The following MIPOL1 variants were observed in gnomAD, a reference collection of about 807,000 sequenced individuals.
The protein encoded by MIPOL1 is mirror-image polydactyly gene 1 protein.
In MIPOL1, 57 loss-of-function variants were observed where a neutral mutation model predicts 60.9. The observed-to-expected ratio is 0.94, with a 90% confidence interval of 0.76 to 1.17. The LOEUF (loss-of-function observed/expected upper bound fraction) is 1.17, where lower values mean the gene tolerates loss of function less well. Among genes scored for constraint, MIPOL1 ranks in the 50% most tolerant of loss-of-function variants. MIPOL1 has a pLI of 0.00. For synonymous variants in MIPOL1, 179 were observed against 168.8 expected (o/e 1.06, Z -0.47); for missense variants, 551 against 511.6 (o/e 1.08, Z -0.74).
intron 10 of MIPOL1, among the ~76,000 whole-genome samples, chr14:37,407,716 T>G (rs2093611239): frequency 6.6e-6 from 1 of 152,108 alleles, no homozygotes. Flanking sequence ...CAGGTAATAC[T>G]GAGCTTAAAA....
intron 11 of MIPOL1, among the ~76,000 whole-genome samples, chr14:37,440,382 T>C (rs1027679675): frequency 1.3e-5 from 2 of 152,184 alleles, no homozygotes; most frequent in African/African-American, 2.4e-5. Flanking sequence ...CTGAATAATG[T>C]ACATTGTAGC....
At chr14:37,416,324 A>G (rs990817478) in intron 10 of MIPOL1, among the ~76,000 whole-genome samples, 3 of 152,184 alleles carry the variant, frequency 2.0e-5, no homozygotes, top group Non-Finnish European at 4.4e-5. Context: ...GTATACAGTC[A>G]TGTATCACTT....
intron 9 of MIPOL1, among the ~76,000 whole-genome samples, chr14:37,314,521 C>T (rs1378231376): frequency 6.6e-6 from 1 of 152,138 alleles, no homozygotes; most frequent in African/African-American, 2.4e-5. Context: ...GCCTGTTTTT[C>T]CCTCTTACTA....
At chr14:37,263,968 TC>T (rs2082688346) in intron 3 of MIPOL1, among the ~76,000 whole-genome samples, 1 of 152,200 alleles carries the variant, frequency 6.6e-6, no homozygotes, top group Non-Finnish European at 1.5e-5. Context: ...ACCAATAGCT[TC>T]ACTTTAATGG....
chr14:37,446,576 A>G (rs1418219577), intron 11 of MIPOL1, among the ~76,000 whole-genome samples: 1 of 91,978 alleles, frequency 1.1e-5, no homozygotes, highest in African/African-American at 3.1e-5. Flanking sequence ...ATTACTGGGT[A>G]TATACCCAAA....
rs891015227 is a variant in MIPOL1, at chr14:37,351,702, G to C, written c.829-17815G>C. On this transcript the variant is annotated intron_variant, in intron 9 of 12. Transcript: ENST00000684589. ...TCATGTGTTTTTTGGCTGCATAAAT[G>C]TCTTCTTTTGAGAAGTGTCTGTTCA... Among the ~76,000 whole-genome samples, 748 of 135,472 alleles carry C rather than the reference G, an allele frequency of 5.5e-3. 5 individuals are homozygous for C. The highest frequency in any genetic ancestry group is 0.019 in the African/African-American group (702 of 36,026). The allele number at this position is 135,472 out of a possible 152,430, so 88.9% of individuals were successfully genotyped here. A position where few individuals can be genotyped will look rare whatever the true frequency, so the allele number is the denominator to read the frequency against.
intron 11 of MIPOL1, among the ~76,000 whole-genome samples, chr14:37,447,372 A>G (rs961397173): frequency 4.6e-5 from 7 of 152,200 alleles, no homozygotes; most frequent in African/African-American, 1.4e-4. Context: ...AATAATAAAC[A>G]ACTACACTCT....
intron 11 of MIPOL1, among the ~76,000 whole-genome samples, chr14:37,446,730 G>T (rs1317931486): frequency 6.6e-6 from 1 of 152,004 alleles, no homozygotes; most frequent in African/African-American, 2.4e-5. Flanking sequence ...TGCACCATGG[G>T]ATACTATGCA....
intron 11 of MIPOL1, among the ~76,000 whole-genome samples, chr14:37,444,209 T>C (rs2094296457): frequency 6.6e-6 from 1 of 152,220 alleles, no homozygotes; most frequent in Non-Finnish European, 1.5e-5. Context: ...AATTTCATTT[T>C]CTAATTGTTC....
rs990375392 is a variant in MIPOL1 at position 37,426,642 on chromosome 14, T to A, written c.1031+3693T>A. Among the ~76,000 whole-genome samples the A allele has an allele frequency of 8.5e-5, 12 of 141,996 alleles. No homozygotes were observed. In the South Asian group the frequency reaches 8.7e-4, roughly 10 times the overall value. The allele number at this position is 141,996 out of a possible 152,430, so 93.2% of individuals were successfully genotyped here. A position where few individuals can be genotyped will look rare whatever the true frequency, so the allele number is the denominator to read the frequency against. ...TATGTATATATGTATATATATATAT[T>A]ATATATGTGTATATATATATGCACA... On this transcript the variant is annotated intron_variant, in intron 11 of 12. Transcript: ENST00000684589.
chr14:37,287,601 A>G (rs1334083552), intron 7 of MIPOL1, among the ~76,000 whole-genome samples: 1 of 152,172 alleles, frequency 6.6e-6, no homozygotes, highest in Non-Finnish European at 1.5e-5. Flanking sequence ...GGTGCTATGT[A>G]AGTATTAACT....
At chr14:37,249,902 T>A (rs1026786008) in intron 3 of MIPOL1, among the ~76,000 whole-genome samples, 3 of 152,138 alleles carry the variant, frequency 2.0e-5, no homozygotes, top group Non-Finnish European at 4.4e-5. Context: ...AGAGTTATAT[T>A]AAAATTAGAG....
At chr14:37,327,750 A>C (rs2089302256) in intron 9 of MIPOL1, among the ~76,000 whole-genome samples, 1 of 152,222 alleles carries the variant, frequency 6.6e-6, no homozygotes. Context: ...TCTAGCACAG[A>C]CAAAAAATAA....
intron 7 of MIPOL1, among the ~76,000 whole-genome samples, chr14:37,286,719 A>C (rs1263874872): frequency 6.6e-6 from 1 of 151,860 alleles, no homozygotes; most frequent in Non-Finnish European, 1.5e-5. Context: ...TAATGGCTTC[A>C]TTTTTTTTGA....
At chr14:37,326,431 A>G (rs1201531111) in intron 9 of MIPOL1, among the ~76,000 whole-genome samples, 2 of 152,182 alleles carry the variant, frequency 1.3e-5, no homozygotes, top group Non-Finnish European at 2.9e-5. Context: ...TGGCAGAAGC[A>G]TTGTGTGTAG....
chr14:37,359,120 G>A (rs182092072), intron 9 of MIPOL1, among the ~76,000 whole-genome samples: 80 of 152,260 alleles, frequency 5.3e-4, no homozygotes, highest in African/African-American at 1.9e-3. Flanking sequence ...TTTTTGTCAG[G>A]TTTGTCGAAG....
intron 12 of MIPOL1, among the ~76,000 whole-genome samples, chr14:37,513,312 C>T (rs1001672019): frequency 6.6e-6 from 1 of 152,022 alleles, no homozygotes; most frequent in African/African-American, 2.4e-5. Flanking sequence ...TAGAGTGGAT[C>T]ACCTTTCCCA....
At chr14:37,271,699 G>T (rs1293842980) in intron 6 of MIPOL1, among the ~76,000 whole-genome samples, 2 of 151,568 alleles carry the variant, frequency 1.3e-5, no homozygotes, top group Admixed American at 1.3e-4. Context: ...GAACAATTTG[G>T]CAATTTCTTG....
chr14:37,227,793 T>A (rs1189628495), intron 1 of MIPOL1: 1 of 152,220 alleles, frequency 6.6e-6, no homozygotes, highest in East Asian at 1.9e-4. Flanking sequence ...TCAAGGTTGT[T>A]GTGGGAGAAG....
Sources: allele counts gnomAD v4.1 joint callset (sites outside exome capture counted in the v4.1 genomes callset), GRCh38; gene constraint gnomAD v4.1.1; transcripts MANE v1.5; gene names NCBI Gene and HGNC (gene_info 2026-07-23, HGNC 2026-07-21).